Variants in ZNF37A observed in about 807,000 individuals in gnomAD.
ZNF37A encodes the protein zinc finger protein 37A.
In ZNF37A, 10 loss-of-function variants were observed where a neutral mutation model predicts 12.3. The ratio of observed to expected loss-of-function variants is 0.82; its 90% CI spans 0.50 to 1.38. The LOEUF (loss-of-function observed/expected upper bound fraction) is 1.38. ZNF37A is among the 40% of genes most tolerant of loss of function. The pLI is 0.00. For synonymous variants in ZNF37A, 207 were observed against 223.0 expected (o/e 0.93, Z 0.64); for missense variants, 580 against 651.2 (o/e 0.89, Z 1.19).
Position 38,119,178 on chromosome 10 carries a change from A to G in ZNF37A, c.*341A>G, listed in dbSNP as rs2069537655. On this transcript the variant is annotated 3_prime_UTR_variant, in exon 8 of 8. Coordinates refer to ENST00000685332, the MANE Select transcript of ZNF37A (RefSeq NM_001324250.3). ...AGGGATGCATTTTTCTGCTACTACT[A>G]CAGTTTCACAGAATACCTGAGAAGA... is the stretch of plus-strand genomic sequence containing the variant. 9.8e-7 allele frequency: 1 copy of G among 1,024,968 alleles called. No homozygotes were observed. Among genetic ancestry groups the G allele is most frequent in the South Asian group, 4.3e-5 (1 of 23,528 alleles). The allele number at this position is 1,024,968 out of a possible 1,614,324, so 63.5% of individuals were successfully genotyped here. A position where few individuals can be genotyped will look rare whatever the true frequency, so the allele number is the denominator to read the frequency against.
At chr10:38,142,009 GT>G (rs931286476) in intron 7 of ZNF37A, 3 of 152,298 alleles carry the variant, frequency 2.0e-5, no homozygotes, top group Admixed American at 2.0e-4. Flanking sequence ...ACTTTGGAGG[GT>G]GAGGCCGGAG....
intron 5 of ZNF37A, among the ~76,000 whole-genome samples, chr10:38,105,207 G>A (rs1449621581): frequency 6.6e-6 from 1 of 152,004 alleles, no homozygotes; most frequent in Non-Finnish European, 1.5e-5. Context: ...GTTTCTCCAT[G>A]TTGGTCAGGC....
intron 2 of ZNF37A, 146 bp from the exon 3 acceptor site, chr10:38,095,392 A>C (rs2067070760): frequency 6.6e-6 from 1 of 152,266 alleles, no homozygotes; most frequent in Non-Finnish European, 1.5e-5. Flanking sequence ...GCCCATTCAG[A>C]TGTGGGGGCA....
downstream of ZNF37A, among the ~76,000 whole-genome samples, chr10:38,126,221 T>C (rs2069923762): frequency 6.6e-6 from 1 of 152,206 alleles, no homozygotes; most frequent in Non-Finnish European, 1.5e-5. Flanking sequence ...TCTCACATAG[T>C]TTTACGGACC....
At chr10:38,148,028 T>C (rs2070276244) in exon 8 of ZNF37A, 1 of 152,182 alleles carries the variant, frequency 6.6e-6, no homozygotes, top group South Asian at 2.1e-4. Context: ...TGTCTAGATA[T>C]TGAGGGTATC....
Position 38,123,873 on chromosome 10 carries a change from C to T in ZNF37A, c.*5036C>T, listed in dbSNP as rs2069854936. The stretch of plus-strand genomic sequence containing the variant: ...AAGAGGATGTGGAGAAAAGGGAAAC[C>T]TCGTGCACTGTGGAAATGTTATTAG... On this transcript the variant is annotated 3_prime_UTR_variant, in exon 8 of 8. Coordinates refer to ENST00000685332, the MANE Select transcript of ZNF37A (RefSeq NM_001324250.3). The T allele has an allele frequency of 6.6e-6, 1 of 152,110 alleles. No homozygotes were observed. The highest frequency in any genetic ancestry group is 1.5e-5 in the Non-Finnish European group (1 of 68,022). 9.4% of individuals were successfully genotyped at this position (152,110 alleles called of 1,614,324 possible).
At chr10:38,148,081 T>A in exon 8 of ZNF37A, 1 of 152,222 alleles carries the variant, frequency 6.6e-6, no homozygotes, top group East Asian at 1.9e-4. Flanking sequence ...AAACAGCTGA[T>A]CTTGGAGGCA....
Position 38,117,583 on chromosome 10 carries a change from A to C in ZNF37A, c.432A>C (p.Gln144His), listed in dbSNP as rs1281158971. The change falls in exon 8 of 8, where the codon CAA becomes CAC. Residue 144 changes from glutamine (Q) to histidine (H), a missense_variant. Physicochemically the swap from Gln to His is conservative, Grantham distance 24. Transcript: ENST00000685332. ...IWHQKIKNWE[Q>H]SFEYNECGKA... The stretch of plus-strand genomic sequence containing the variant: ...ATCAGAAAATTAAAAATTGGGAACA[A>C]TCTTTTGAATACAATGAATGTGGGA... The C allele has an allele frequency of 3.7e-6, 6 of 1,613,444 alleles. No homozygotes were observed. The East Asian group carries it at 1.1e-4, about 30-fold the overall frequency.
At chr10:38,132,094 T>G (rs973588071) in intron 7 of ZNF37A, among the ~76,000 whole-genome samples, 6 of 152,148 alleles carry the variant, frequency 3.9e-5, no homozygotes, top group African/African-American at 1.4e-4. Flanking sequence ...TTCTTTCTAT[T>G]TTGGATGTTT....
intron 5 of ZNF37A, among the ~76,000 whole-genome samples, chr10:38,105,577 C>A (rs2067995815): frequency 1.3e-5 from 2 of 152,182 alleles, no homozygotes; most frequent in African/African-American, 4.8e-5. Flanking sequence ...TGTCAAGCCA[C>A]TACTTTGTCC....
chr10:38,108,850 C>T (rs536982532), intron 5 of ZNF37A, among the ~76,000 whole-genome samples: 28 of 152,200 alleles, frequency 1.8e-4, no homozygotes, highest in African/African-American at 6.5e-4. Flanking sequence ...TAATAGCCTA[C>T]CAACCAAAAA....
chr10:38,122,054 A>C lies in ZNF37A; in HGVS notation c.*3217A>C, dbSNP rs982175923. ...GGAGTTTGAGACCAGCCTGGGCAAC[A>C]TGGCACAATTGTCTCTACAAAAAAT... On this transcript the variant is annotated 3_prime_UTR_variant, in exon 8 of 8. Transcript: ENST00000685332. The C allele has an allele frequency of 1.3e-5, 2 of 152,260 alleles. No homozygotes were observed. Among genetic ancestry groups the C allele is most frequent in the African/African-American group, 4.8e-5 (2 of 41,406 alleles). The allele number at this position is 152,260 out of a possible 1,614,324, so 9.4% of individuals were successfully genotyped here.
chr10:38,105,997 C>T (rs555722450), intron 5 of ZNF37A, among the ~76,000 whole-genome samples: 2 of 151,816 alleles, frequency 1.3e-5, no homozygotes, highest in South Asian at 4.2e-4. Flanking sequence ...CCTATTTGCT[C>T]TGGCTAGAAC....
chr10:38,115,268 A>G lies in ZNF37A; in HGVS notation c.216A>G (p.Lys72=), dbSNP rs1381942420. Reference sequence around the variant, plus strand: ...AGGAGCCATGGATATTAGAGGAAAAATTTCCAAGCCAGAGTCATCTGGGTG... The same window carrying G: ...AGGAGCCATGGATATTAGAGGAAAAGTTTCCAAGCCAGAGTCATCTGGGTG... The part of the protein sequence containing the change: ...KGEEPWILEE[K]FPSQSHLELI... Residue 72 remains lysine, a synonymous_variant, in exon 7 of 8, where the codon AAA becomes AAG. Coordinates refer to ENST00000685332, the MANE Select transcript of ZNF37A (RefSeq NM_001324250.3). 6.2e-7 allele frequency: 1 copy of G among 1,613,730 alleles called. No individual in the cohort carries two copies. The highest frequency in any genetic ancestry group is 2.2e-5 in the East Asian group (1 of 44,838).
chr10:38,129,488 A>G (rs1040471595), downstream of ZNF37A, among the ~76,000 whole-genome samples: 3 of 151,918 alleles, frequency 2.0e-5, no homozygotes, highest in Non-Finnish European at 2.9e-5. Context: ...TGTGTACTCA[A>G]TGTTTAGCTT....
downstream of ZNF37A, among the ~76,000 whole-genome samples, chr10:38,128,724 T>G (rs1182928387): frequency 2.6e-5 from 4 of 152,162 alleles, no homozygotes; most frequent in Non-Finnish European, 4.4e-5. Context: ...TGAGTTCACG[T>G]CCAGTGGGCA....
intron 5 of ZNF37A, among the ~76,000 whole-genome samples, chr10:38,106,434 T>C (rs2068096662): frequency 6.6e-6 from 1 of 152,110 alleles, no homozygotes; most frequent in South Asian, 2.1e-4. Flanking sequence ...AGTACACCTC[T>C]TCTCCTCCAA....
chr10:38,120,961 G>A lies in ZNF37A; in HGVS notation c.*2124G>A, dbSNP rs1374721943. 6.6e-6 allele frequency: 1 copy of A among 152,208 alleles called. No homozygotes were observed. The highest frequency in any genetic ancestry group is 1.5e-5 in the Non-Finnish European group (1 of 68,040). The allele number at this position is 152,208 out of a possible 1,614,324, so 9.4% of individuals were successfully genotyped here. ...CAGTGGGTTGGTGAACATGCCATCA[G>A]TAAAAGCCCTGGAAACAAGGTCATA... On this transcript the variant is annotated 3_prime_UTR_variant, in exon 8 of 8. Coordinates refer to ENST00000685332, the MANE Select transcript of ZNF37A (RefSeq NM_001324250.3).
At chr10:38,104,770 AT>A (rs1214416516) in intron 5 of ZNF37A, among the ~76,000 whole-genome samples, 5 of 147,864 alleles carry the variant, frequency 3.4e-5, no homozygotes, top group Admixed American at 2.8e-4. Flanking sequence ...GTGTGTATGT[AT>A]ACATACACAC....
Sources: gnomAD v4.1 joint callset for allele counts (sites outside exome capture counted in the v4.1 genomes callset) on GRCh38, gnomAD v4.1.1 for gene constraint, MANE v1.5 for transcripts, NCBI Gene and HGNC (gene_info 2026-07-23, HGNC 2026-07-21) for gene names.